DCDC1: variants seen among roughly 807,000 people sequenced by gnomAD.
DCDC1 encodes doublecortin domain-containing protein 1.
DCDC1 carries 200 observed loss-of-function variants against 178.3 expected under a neutral mutation model. The ratio of observed to expected loss-of-function variants is 1.12; its 90% CI spans 1.00 to 1.26. The LOEUF (loss-of-function observed/expected upper bound fraction) is 1.26, where lower values mean the gene tolerates loss of function less well. DCDC1 is among the 50% of genes most tolerant of loss of function. The probability of loss-of-function intolerance (pLI) is 0.00; values close to 1 mark genes in which losing one functional copy is unlikely to be tolerated. For synonymous variants in DCDC1, 690 were observed against 604.8 expected (o/e 1.14, Z -2.07); for missense variants, 1,983 against 1,749.2 (o/e 1.13, Z -2.38).
At chr11:30,914,358 G>T (rs116102306) in intron 27 of DCDC1, among the ~76,000 whole-genome samples, 9 of 152,222 alleles carry the variant, frequency 5.9e-5, no homozygotes, top group Non-Finnish European at 1.0e-4. Flanking sequence ...CGCTGCTGCC[G>T]CCTGCTGAAG....
intron 3 of DCDC1, among the ~76,000 whole-genome samples, chr11:31,325,506 G>A (rs954333281): frequency 6.6e-6 from 1 of 152,036 alleles, no homozygotes; most frequent in Admixed American, 6.6e-5. Flanking sequence ...CTTGTGAGGG[G>A]GCATGTCCTG....
intron 17 of DCDC1, among the ~76,000 whole-genome samples, chr11:31,078,558 G>T (rs1956996225): frequency 6.6e-6 from 1 of 152,134 alleles, no homozygotes. Context: ...TCTGAGTTTT[G>T]ACAGAAACAT....
chr11:31,001,969 G>A (rs1409112731), intron 20 of DCDC1, among the ~76,000 whole-genome samples: 1 of 152,158 alleles, frequency 6.6e-6, no homozygotes, highest in East Asian at 1.9e-4. Context: ...ATGTAAATAT[G>A]CTATGTTCAG....
chr11:30,973,082 G>C (rs1470686749), intron 20 of DCDC1, among the ~76,000 whole-genome samples: 1 of 151,644 alleles, frequency 6.6e-6, no homozygotes, highest in Non-Finnish European at 1.5e-5. Flanking sequence ...GACCAGCCTG[G>C]GCAACATGGC....
intron 9 of DCDC1, among the ~76,000 whole-genome samples, chr11:31,199,608 G>C (rs1348851957): frequency 6.6e-6 from 1 of 152,052 alleles, no homozygotes; most frequent in Non-Finnish European, 1.5e-5. Context: ...CCTGACATCT[G>C]TGTCTTACAA....
intron 10 of DCDC1, among the ~76,000 whole-genome samples, chr11:31,134,871 C>T (rs1224122184): frequency 1.3e-5 from 2 of 152,102 alleles, no homozygotes; most frequent in Non-Finnish European, 2.9e-5. Context: ...TGGTATATGC[C>T]TAAAGTCCCA....
chr11:31,094,238 C>T lies in DCDC1; in HGVS notation c.1984-54G>A, dbSNP rs140411512. 402 of 748,482 alleles carry T rather than the reference C, an allele frequency of 5.4e-4. 4 individuals carry two copies. In the African/African-American group the frequency reaches 6.1e-3, roughly 11 times the overall value. The allele number at this position is 748,482 out of a possible 1,614,324, so 46.4% of individuals were successfully genotyped here. The stretch of plus-strand genomic sequence containing the variant: ...TAACTCATAGTCTAAGAGTTAAACT[C>T]CTCAACACACTTACCCAAAATAAGT... On this transcript the variant is annotated intron_variant, in intron 15 of 38. Coordinates refer to ENST00000684477, the MANE Select transcript of DCDC1 (RefSeq NM_001387274.1).
intron 7 of DCDC1, among the ~76,000 whole-genome samples, chr11:31,267,085 C>T (rs924778685): frequency 6.6e-6 from 1 of 152,204 alleles, no homozygotes; most frequent in African/African-American, 2.4e-5. Flanking sequence ...GTTTCTTGCA[C>T]ACTAGCTGCA....
chr11:31,036,439 G>A (rs1272621568), intron 20 of DCDC1, among the ~76,000 whole-genome samples: 1 of 152,044 alleles, frequency 6.6e-6, no homozygotes, highest in Admixed American at 6.6e-5. Context: ...TCATCACTAA[G>A]CCCTGACCCA....
At chr11:31,139,847 A>G (rs1963602826) in intron 9 of DCDC1, among the ~76,000 whole-genome samples, 2 of 152,222 alleles carry the variant, frequency 1.3e-5, no homozygotes, top group Non-Finnish European at 2.9e-5. Context: ...GACCAATGCT[A>G]CTGAAAAGCA....
intron 20 of DCDC1, among the ~76,000 whole-genome samples, chr11:31,053,737 T>C (rs1955410688): frequency 6.6e-6 from 1 of 152,134 alleles, no homozygotes; most frequent in Admixed American, 6.5e-5. Flanking sequence ...ATCATCTCAA[T>C]AGATGGAGAA....
chr11:30,923,542 C>T (rs1197925872), intron 23 of DCDC1, among the ~76,000 whole-genome samples: 2 of 150,716 alleles, frequency 1.3e-5, no homozygotes, highest in Non-Finnish European at 3.0e-5. Context: ...CTTTTCTGAT[C>T]ATTGCAAAGT....
At chr11:30,954,530 T>C (rs966966153) in intron 20 of DCDC1, among the ~76,000 whole-genome samples, 1 of 152,174 alleles carries the variant, frequency 6.6e-6, no homozygotes, top group Admixed American at 6.5e-5. Flanking sequence ...AGTTAGTCAG[T>C]GGTAATTTAA....
At chr11:31,308,937 C>G (rs72888156) in intron 3 of DCDC1, among the ~76,000 whole-genome samples, 46,519 of 151,322 alleles carry the variant, frequency 0.31, 8,098 homozygotes, top group Non-Finnish European at 0.38. Flanking sequence ...CCCAAACACA[C>G]CCCCAATTAT....
At chr11:31,213,549 A>G (rs1973115954) in intron 9 of DCDC1, among the ~76,000 whole-genome samples, 1 of 151,906 alleles carries the variant, frequency 6.6e-6, no homozygotes, top group Admixed American at 6.6e-5. Flanking sequence ...GTGAAACCCC[A>G]TCTTTATTAA....
At chr11:31,054,528 C>T (rs988613356) in intron 20 of DCDC1, among the ~76,000 whole-genome samples, 1 of 152,086 alleles carries the variant, frequency 6.6e-6, no homozygotes. Context: ...GCCCGTATAG[C>T]CAAAACAAGA....
intron 1 of DCDC1, among the ~76,000 whole-genome samples, chr11:31,363,187 A>G (rs1431980183): frequency 6.6e-6 from 1 of 152,122 alleles, no homozygotes; most frequent in African/African-American, 2.4e-5. Flanking sequence ...AATATTAACC[A>G]ACACTAACAT....
Position 31,332,637 on chromosome 11 carries a change from C to T in DCDC1, c.-7+2810G>A, listed in dbSNP as rs183845374. Among the ~76,000 whole-genome samples the T allele has an allele frequency of 3.0e-3, 451 of 152,276 alleles. 2 individuals are homozygous for T. Among genetic ancestry groups the T allele is most frequent in the African/African-American group, 0.01 (416 of 41,550 alleles). ...ATTTCTGCCTTCATTTCATTATTTA[C>T]CCAGTAGTCATTCAAGAGCAGGTTG... is the stretch of plus-strand genomic sequence containing the variant. On this transcript the variant is annotated intron_variant, in intron 2 of 38. Transcript: ENST00000684477.
intron 1 of DCDC1, among the ~76,000 whole-genome samples, chr11:31,357,107 T>C (rs1005852241): frequency 1.1e-4 from 16 of 152,132 alleles, no homozygotes; most frequent in Admixed American, 2.6e-4. Context: ...ATCATCCTGA[T>C]ACCAAAGCCG....
Sources: gnomAD v4.1 joint callset for allele counts (sites outside exome capture counted in the v4.1 genomes callset) on GRCh38, gnomAD v4.1.1 for gene constraint, MANE v1.5 for transcripts, NCBI Gene and HGNC (gene_info 2026-07-23, HGNC 2026-07-21) for gene names.